OAF: variants seen among roughly 807,000 people sequenced by gnomAD.
OAF encodes the protein out at first protein homolog.
OAF carries 13 observed loss-of-function variants against 22.5 expected under a neutral mutation model. The observed-to-expected ratio is 0.58, with a 90% confidence interval of 0.38 to 0.92. The LOEUF is 0.92. Ranked by LOEUF, OAF falls within the 40% of genes least tolerant of loss-of-function variation. The probability of loss-of-function intolerance (pLI) is 0.00; values close to 1 mark genes in which losing one functional copy is unlikely to be tolerated. For synonymous variants in OAF, 175 were observed against 170.5 expected, an observed-to-expected ratio of 1.03 and a Z score of -0.21; for missense variants, 347 against 381.8, an observed-to-expected ratio of 0.91 and a Z score of 0.76.
intron 1 of OAF, among the ~76,000 whole-genome samples, chr11:120,219,177 G>A (rs731512): frequency 0.096 from 14,539 of 151,776 alleles, 1,465 homozygotes; most frequent in East Asian, 0.57. Flanking sequence ...CGCCTCTGCC[G>A]GCAACAGGGA....
chr11:120,214,167 C>T (rs939913856), intron 1 of OAF, among the ~76,000 whole-genome samples: 1 of 152,268 alleles, frequency 6.6e-6, no homozygotes, highest in Non-Finnish European at 1.5e-5. Flanking sequence ...ACAGTCCAGA[C>T]TGAATGAGAC....
chr11:120,227,028 G>T, intron 3 of OAF, 32 bp downstream of exon 3: 1 of 1,540,556 alleles, frequency 6.5e-7, no homozygotes, highest in Non-Finnish European at 8.9e-7. Context: ...GCCCGCTGCT[G>T]GGCGGAGGGA....
At chr11:120,212,509 A>G (rs112441768) in intron 1 of OAF, among the ~76,000 whole-genome samples, 3,259 of 151,984 alleles carry the variant, frequency 0.021, 50 homozygotes, top group Non-Finnish European at 0.032. Flanking sequence ...TCCTTCCCCC[A>G]GCTAAAGAGA....
intron 3 of OAF, among the ~76,000 whole-genome samples, chr11:120,228,263 T>G (rs1938388802): frequency 6.6e-6 from 1 of 152,112 alleles, no homozygotes; most frequent in African/African-American, 2.4e-5. Context: ...TTTTGTGCTT[T>G]TAGTAGAAAC....
chr11:120,213,351 T>C lies in OAF; in HGVS notation c.231+1841T>C, dbSNP rs1025354662. Among the ~76,000 whole-genome samples, 5 of 152,064 alleles carry C rather than the reference T, an allele frequency of 3.3e-5. No homozygotes were observed. The South Asian group carries it at 8.3e-4, about 25-fold the overall frequency. On this transcript the variant is annotated intron_variant, in intron 1 of 3. Transcript: ENST00000328965. ...CCCAGTTAGAAAATGCATCTGGAGA[T>C]TGTGAGCACCTCATTTGAATCTCTA...
At chr11:120,212,202 C>G (rs1413919691) in intron 1 of OAF, among the ~76,000 whole-genome samples, 1 of 145,008 alleles carries the variant, frequency 6.9e-6, no homozygotes, top group Admixed American at 7.1e-5. Context: ...GCCAACCCCC[C>G]TATTTTGGCC....
rs1255338346 is a variant in OAF at position 120,225,759 on chromosome 11, G to T, written c.330G>T (p.Glu110Asp). 1 of 1,606,234 alleles carries T rather than the reference G, an allele frequency of 6.2e-7. No individual in the cohort carries two copies. Among genetic ancestry groups the T allele is most frequent in the South Asian group, 1.1e-5 (1 of 90,252 alleles). Residue 110 changes from glutamate to aspartate, a missense_variant, in exon 2 of 4, where the codon GAG (glutamate) becomes GAT (aspartate). Glu to Asp is a conservative substitution (Grantham distance 45, BLOSUM62 2). Coordinates refer to ENST00000328965, the MANE Select transcript of OAF (RefSeq NM_178507.4). ...LCFVTQLQHNEIIPSEAMAKL... is the reference protein window; with the variant it reads ...LCFVTQLQHNDIIPSEAMAKL... ...TTGTCACCCAGCTGCAGCACAATGA[G>T]ATCATCCCCAGTGAGGCCATGGCCA...
At position 120,228,763 on chromosome 11, in the gene OAF, G is replaced by A. The variant is rs186871186; in HGVS notation, c.548-105G>A. ...AATGGAGGTGTCTGTAAATGCCTGTGGGATGACAGAGGAGACCAAGTGGGG... is the reference window on the plus strand; with the variant it reads ...AATGGAGGTGTCTGTAAATGCCTGTAGGATGACAGAGGAGACCAAGTGGGG... On this transcript the variant is annotated intron_variant, in intron 3 of 3. Coordinates refer to ENST00000328965, the MANE Select transcript of OAF (RefSeq NM_178507.4). 3.0e-3 allele frequency: 2,581 copies of A among 855,850 alleles called. 9 individuals are homozygous for A. Among genetic ancestry groups the A allele is most frequent in the Non-Finnish European group, 3.5e-3 (1,938 of 557,362 alleles). 53.0% of individuals were successfully genotyped at this position (855,850 alleles called of 1,614,324 possible).
chr11:120,226,735 C>T (rs1232745462), intron 2 of OAF, 81 bp from the exon 3 acceptor site: 27 of 1,350,924 alleles, frequency 2.0e-5, no homozygotes, highest in Non-Finnish European at 2.2e-5. Context: ...AGCTTGGGCT[C>T]GCCTGACTCT....
intron 1 of OAF, among the ~76,000 whole-genome samples, chr11:120,216,391 TGATG>T (rs1313409702): frequency 6.6e-6 from 1 of 152,180 alleles, no homozygotes; most frequent in Non-Finnish European, 1.5e-5. Context: ...TGGAAGCATC[TGATG>T]GATGGAAAGT....
At chr11:120,225,360 C>T (rs1189633387) in intron 1 of OAF, among the ~76,000 whole-genome samples, 1 of 151,952 alleles carries the variant, frequency 6.6e-6, no homozygotes, top group Non-Finnish European at 1.5e-5. Flanking sequence ...CTGTAGAGGC[C>T]CTGACCCACC....
In OAF at chr11:120,229,514, C is replaced by T. The variant is rs890600563; in HGVS notation, c.*372C>T. The stretch of plus-strand genomic sequence containing the variant: ...GTTTAGACCCTAAAAGGAGTCTATA[C>T]CTGGACACCCACCTCCCCAGACACA... On this transcript the variant is annotated 3_prime_UTR_variant, in exon 4 of 4. Coordinates refer to ENST00000328965, the MANE Select transcript of OAF (RefSeq NM_178507.4). The T allele has an allele frequency of 1.8e-5, 4 of 216,370 alleles. No homozygotes were observed. The highest frequency in any genetic ancestry group is 1.0e-4 in the Admixed American group (2 of 19,982). The allele number at this position is 216,370 out of a possible 1,614,324, so 13.4% of individuals were successfully genotyped here.
At position 120,212,837 on chromosome 11, in the gene OAF, G is replaced by A. The variant is rs377184003; in HGVS notation, c.231+1327G>A. Among the ~76,000 whole-genome samples the A allele has an allele frequency of 2.0e-5, 3 of 146,992 alleles. No individual in the cohort carries two copies. In the East Asian group the frequency reaches 5.9e-4, roughly 29 times the overall value. On this transcript the variant is annotated intron_variant, in intron 1 of 3. Coordinates refer to ENST00000328965, the MANE Select transcript of OAF (RefSeq NM_178507.4). ...ACATAAGCAGGCAGATGGGGGGTGG[G>A]GTAGTGAGCGTTCACAAATGGGAAG...
Position 120,229,262 on chromosome 11 carries a change from A to C in OAF, c.*120A>C. On this transcript the variant is annotated 3_prime_UTR_variant, in exon 4 of 4. Coordinates refer to ENST00000328965, the MANE Select transcript of OAF (RefSeq NM_178507.4). The stretch of plus-strand genomic sequence containing the variant: ...TCCCTCCCCACTCCCCTGGCCCTAG[A>C]GCCTGGGCCCCTCTGGCCCCATCTC... The C allele has an allele frequency of 1.1e-6, 1 of 929,118 alleles. No individual in the cohort carries two copies. The highest frequency in any genetic ancestry group is 1.6e-5 in the South Asian group (1 of 61,452). 57.6% of individuals were successfully genotyped at this position (929,118 alleles called of 1,614,324 possible). A position where few individuals can be genotyped will look rare whatever the true frequency, so the allele number is the denominator to read the frequency against.
chr11:120,221,860 G>A (rs1938283383), intron 1 of OAF, among the ~76,000 whole-genome samples: 1 of 152,178 alleles, frequency 6.6e-6, no homozygotes, highest in Non-Finnish European at 1.5e-5. Flanking sequence ...GTGGGAGAAG[G>A]AGCCTTATAA....
intron 1 of OAF, among the ~76,000 whole-genome samples, chr11:120,218,688 C>T (rs1330666947): frequency 2.0e-5 from 3 of 152,124 alleles, no homozygotes; most frequent in African/African-American, 7.2e-5. Context: ...CTTGTGTGGC[C>T]CTAGAGCGAT....
In OAF at chr11:120,211,286, C is replaced by T; in HGVS notation, c.7C>T (p.Leu3Phe). The T allele has an allele frequency of 8.0e-6, 10 of 1,247,534 alleles. No individual in the cohort carries two copies. The highest frequency in any genetic ancestry group is 1.0e-5 in the Non-Finnish European group (10 of 995,858). The allele number at this position is 1,247,534 out of a possible 1,614,324, so 77.3% of individuals were successfully genotyped here. A position where few individuals can be genotyped will look rare whatever the true frequency, so the allele number is the denominator to read the frequency against. ...ACGGCAGCGGCCCCCGGGGATGCGC[C>T]TTCCCGGGGTACCCCTGGCGCGCCC... MRLPGVPLARPAL... is the reference protein window; with the variant it reads MRFPGVPLARPAL... The change falls in exon 1 of 4, where the codon CTT becomes TTT. Residue 3 changes from leucine to phenylalanine, a missense_variant. Physicochemically the swap from Leu to Phe is conservative, Grantham distance 22 (BLOSUM62 0). Transcript: ENST00000328965.
Position 120,227,897 on chromosome 11 carries a change from A to G in OAF, c.547+901A>G, listed in dbSNP as rs551670022. 3.9e-5 allele frequency among the ~76,000 whole-genome samples: 6 copies of G among 152,012 alleles called. No individual in the cohort carries two copies. In the East Asian group the frequency reaches 9.7e-4, roughly 25 times the overall value. On this transcript the variant is annotated intron_variant, in intron 3 of 3. Coordinates refer to ENST00000328965, the MANE Select transcript of OAF (RefSeq NM_178507.4). ...CCCCAGACTATGCCGCAAGCTTGAC[A>G]TAAGTGTCCTCCAGAAGCTGGCCCC...
At chr11:120,224,874 A>G (rs1282580510) in intron 1 of OAF, among the ~76,000 whole-genome samples, 6 of 152,206 alleles carry the variant, frequency 3.9e-5, no homozygotes, top group Non-Finnish European at 7.4e-5. Context: ...ACAGGTGAGC[A>G]GAGCACAGGG....
Sources: allele counts gnomAD v4.1 joint callset (sites outside exome capture counted in the v4.1 genomes callset), GRCh38; gene constraint gnomAD v4.1.1; transcripts MANE v1.5; gene names NCBI Gene and HGNC (gene_info 2026-07-23, HGNC 2026-07-21).